The following PCDH9 variants were observed in gnomAD, a reference collection of about 807,000 sequenced individuals.
PCDH9 encodes protocadherin-9.
Under a neutral mutation model 70.6 loss-of-function variants are expected in PCDH9, and 24 were observed. The observed-to-expected ratio is 0.34, with a 90% CI of 0.25 to 0.48. PCDH9 has a LOEUF of 0.48. PCDH9 is among the 20% of genes least tolerant of loss of function. PCDH9 has a pLI of 0.99. For missense variants in PCDH9, 1,281 were observed against 1,503.6 expected, an observed-to-expected ratio of 0.85 and a Z score of 2.45; for synonymous variants, 562 against 558.5, an observed-to-expected ratio of 1.01 and a Z score of -0.09.
At chr13:66,812,386 A>G (rs1011659332) in intron 3 of PCDH9, among the ~76,000 whole-genome samples, 4 of 152,196 alleles carry the variant, frequency 2.6e-5, no homozygotes, top group African/African-American at 4.8e-5. Context: ...CACCATTCCA[A>G]CCAAATCTTA....
intron 4 of PCDH9, among the ~76,000 whole-genome samples, chr13:66,396,009 T>C (rs1012237321): frequency 6.6e-6 from 1 of 152,198 alleles, no homozygotes; most frequent in African/African-American, 2.4e-5. Context: ...TTTAAATCTA[T>C]TGAAGGAGGC....
chr13:66,643,648 T>C (rs9529109), intron 3 of PCDH9, among the ~76,000 whole-genome samples: 14,059 of 152,098 alleles, frequency 0.092, 695 homozygotes, highest in East Asian at 0.12. Flanking sequence ...AAAGCTTCTG[T>C]AAGTTTAGGT....
At chr13:66,889,132 T>G (rs1049583694) in intron 3 of PCDH9, among the ~76,000 whole-genome samples, 15 of 152,314 alleles carry the variant, frequency 9.8e-5, no homozygotes, top group African/African-American at 3.6e-4. Context: ...AGCGAGTAGA[T>G]AGCTGTAAAG....
At chr13:66,453,433 G>T (rs1958254183) in intron 4 of PCDH9, among the ~76,000 whole-genome samples, 1 of 152,124 alleles carries the variant, frequency 6.6e-6, no homozygotes, top group Non-Finnish European at 1.5e-5. Context: ...ATGTGATATT[G>T]TTCCCTAATA....
At chr13:67,165,334 T>C (rs1393112430) in intron 2 of PCDH9, among the ~76,000 whole-genome samples, 1 of 152,152 alleles carries the variant, frequency 6.6e-6, no homozygotes, top group East Asian at 1.9e-4. Context: ...TTTATCCACA[T>C]ATTAATAAAA....
chr13:66,533,780 G>T (rs560351267), intron 4 of PCDH9, among the ~76,000 whole-genome samples: 3 of 151,968 alleles, frequency 2.0e-5, no homozygotes, highest in African/African-American at 7.2e-5. Context: ...GGGAAGTTAC[G>T]GACAATTTTT....
chr13:66,335,485 T>C (rs1260848506), intron 4 of PCDH9, among the ~76,000 whole-genome samples: 1 of 152,176 alleles, frequency 6.6e-6, no homozygotes, highest in Non-Finnish European at 1.5e-5. Flanking sequence ...TTGCAGTACT[T>C]ATATACCAGG....
At chr13:66,368,102 A>G (rs985770236) in intron 4 of PCDH9, among the ~76,000 whole-genome samples, 1 of 152,118 alleles carries the variant, frequency 6.6e-6, no homozygotes, top group Non-Finnish European at 1.5e-5. Context: ...AGTGAGGTAC[A>G]TATCAATAAA....
At chr13:66,645,656 T>A (rs764983869) in intron 3 of PCDH9, among the ~76,000 whole-genome samples, 25 of 151,662 alleles carry the variant, frequency 1.6e-4, no homozygotes, top group Non-Finnish European at 2.9e-4. Flanking sequence ...GATAGAAGAG[T>A]TTAAGAAAAG....
At chr13:66,606,795 T>C (rs1439172732) in intron 4 of PCDH9, among the ~76,000 whole-genome samples, 1 of 152,058 alleles carries the variant, frequency 6.6e-6, no homozygotes, top group Non-Finnish European at 1.5e-5. Flanking sequence ...GTAGCAGGAA[T>C]TCTCTTTTAC....
At chr13:66,353,186 C>A (rs141800664) in intron 4 of PCDH9, among the ~76,000 whole-genome samples, 1,773 of 152,234 alleles carry the variant, frequency 0.012, 19 homozygotes, top group Middle Eastern at 0.037. Context: ...ATTTTTCCAG[C>A]AGCTGCACTT....
intron 4 of PCDH9, among the ~76,000 whole-genome samples, chr13:66,324,126 G>A (rs1955800748): frequency 6.6e-6 from 1 of 152,006 alleles, no homozygotes; most frequent in Non-Finnish European, 1.5e-5. Context: ...GAGGAAGACA[G>A]ATGAGCTGTG....
chr13:66,524,830 T>A lies in PCDH9; in HGVS notation c.3340+106380A>T, dbSNP rs368445706. ...TCAAAAAGTAGAGACATTTCATTCATAAAATGGGGAGTATCATTTTGAAAC... is the reference window on the plus strand; with the variant it reads ...TCAAAAAGTAGAGACATTTCATTCAAAAAATGGGGAGTATCATTTTGAAAC... On this transcript the variant is annotated intron_variant, in intron 4 of 4. Transcript: ENST00000377865. Among the ~76,000 whole-genome samples the A allele has an allele frequency of 7.2e-5, 11 of 152,114 alleles. 1 individual carries two copies. The highest frequency in any genetic ancestry group is 7.2e-4 in the Admixed American group (11 of 15,254).
At chr13:66,636,468 T>C (rs116877102) in intron 3 of PCDH9, among the ~76,000 whole-genome samples, 2 of 152,242 alleles carry the variant, frequency 1.3e-5, no homozygotes, top group East Asian at 3.9e-4. Flanking sequence ...ACAACATGAA[T>C]CTAGCACTAA....
intron 2 of PCDH9, among the ~76,000 whole-genome samples, chr13:67,118,967 T>C (rs1351504167): frequency 6.6e-6 from 1 of 152,186 alleles, no homozygotes; most frequent in Non-Finnish European, 1.5e-5. Context: ...TTAATTTAGT[T>C]GTGCTTGGGA....
At chr13:66,774,522 T>C (rs376311408) in intron 3 of PCDH9, among the ~76,000 whole-genome samples, 9 of 152,304 alleles carry the variant, frequency 5.9e-5, no homozygotes, top group African/African-American at 1.7e-4. Flanking sequence ...GAGCAAAGCA[T>C]AGAAAATGGA....
At chr13:66,365,551 C>T (rs925354989) in intron 4 of PCDH9, among the ~76,000 whole-genome samples, 1 of 152,104 alleles carries the variant, frequency 6.6e-6, no homozygotes. Flanking sequence ...TGTGTGACTG[C>T]TGTGTTAAAT....
intron 4 of PCDH9, chr13:66,306,285 G>A (rs903005568): frequency 7.3e-5 from 11 of 151,510 alleles, no homozygotes; most frequent in African/African-American, 2.2e-4. Flanking sequence ...ATAATTGTGA[G>A]CTTTCTATTT....
chr13:66,927,736 T>C (rs113593378), intron 2 of PCDH9, among the ~76,000 whole-genome samples: 4,269 of 152,058 alleles, frequency 0.028, 221 homozygotes, highest in African/African-American at 0.097. Flanking sequence ...AATCTCTTCT[T>C]ATAAGGACAC....
Sources: gnomAD v4.1 joint callset for allele counts (sites outside exome capture counted in the v4.1 genomes callset) on GRCh38, gnomAD v4.1.1 for gene constraint, MANE v1.5 for transcripts, NCBI Gene and HGNC (gene_info 2026-07-23, HGNC 2026-07-21) for gene names.